The following WDR43 variants were observed in gnomAD, a reference collection of about 807,000 sequenced individuals.
WDR43 encodes the protein WD repeat domain 43.
A neutral mutation model predicts 91.4 loss-of-function variants in WDR43; 13 were observed. The ratio of observed to expected loss-of-function variants is 0.14; its 90% CI spans 0.09 to 0.23. The LOEUF (loss-of-function observed/expected upper bound fraction) is 0.23. WDR43 is among the 10% of genes least tolerant of loss of function. WDR43 has a pLI of 1.00. For missense variants in WDR43, 780 were observed against 809.4 expected, an observed-to-expected ratio of 0.96 and a Z score of 0.44; for synonymous variants, 331 against 287.9, an observed-to-expected ratio of 1.15 and a Z score of -1.51.
At position 28,939,052 on chromosome 2, in the gene WDR43, AGGGGTTTTTG is replaced by A. The variant is rs763505471; in HGVS notation, c.1620+1061_1620+1070del. 7.2e-3 allele frequency among the ~76,000 whole-genome samples: 136 copies of A among 18,760 alleles called. 10 individuals are homozygous for A. Among genetic ancestry groups the A allele is most frequent in the Non-Finnish European group, 9.9e-3 (86 of 8,708 alleles). The allele number at this position is 18,760 out of a possible 152,430, so 12.3% of individuals were successfully genotyped here. A position where few individuals can be genotyped will look rare whatever the true frequency, so the allele number is the denominator to read the frequency against. ...GAGGTGACCTGGGAGCACTGGTGAGAGGGGTTTTTGGGAGGTGACCTGGGAGCACTGGTGA... is the reference window on the plus strand; with the variant it reads ...GAGGTGACCTGGGAGCACTGGTGAGAGGAGGTGACCTGGGAGCACTGGTGA... On this transcript the variant is annotated intron_variant, in intron 14 of 17. Coordinates refer to ENST00000407426, the MANE Select transcript of WDR43 (RefSeq NM_015131.3).
At chr2:28,927,471 C>A in intron 9 of WDR43, 98 bp from the exon 10 acceptor site, 2 of 1,382,222 alleles carry the variant, frequency 1.4e-6, no homozygotes, top group South Asian at 1.5e-5. Context: ...TGCATTTTTC[C>A]AATAGAGGAG....
intron 11 of WDR43, among the ~76,000 whole-genome samples, chr2:28,931,658 T>G (rs1457362604): frequency 6.6e-6 from 1 of 151,836 alleles, no homozygotes; most frequent in African/African-American, 2.4e-5. Context: ...TTAAAATCTT[T>G]TTTTTTTTTG....
chr2:28,944,641 G>A (rs1558386101), intron 16 of WDR43, among the ~76,000 whole-genome samples: 1 of 152,186 alleles, frequency 6.6e-6, no homozygotes, highest in Middle Eastern at 3.2e-3. Context: ...AGTTGAGATC[G>A]AGTTAACACG....
rs1558378076 is a variant in WDR43 at position 28,925,109 on chromosome 2, T to G, written c.1042T>G (p.Leu348Val). The G allele has an allele frequency of 6.2e-7, 1 of 1,613,860 alleles. No individual in the cohort carries two copies. Among genetic ancestry groups the G allele is most frequent in the African/African-American group, 1.3e-5 (1 of 74,924 alleles). ...AGFCSDKMSLLLVYGSWFQPT... is the reference protein window; with the variant it reads ...AGFCSDKMSLVLVYGSWFQPT... ...TTTTTGCTCAGACAAAATGTCATTGTTGCTTGTATATGGCAGTTGGTTTCA... is the reference window on the plus strand; with the variant it reads ...TTTTTGCTCAGACAAAATGTCATTGGTGCTTGTATATGGCAGTTGGTTTCA... Residue 348 changes from leucine (L) to valine (V), a missense_variant, in exon 8 of 18, where the codon TTG (leucine) becomes GTG (valine). By Grantham distance (32) the Leu-to-Val change is conservative (BLOSUM62 1). Coordinates refer to ENST00000407426, the MANE Select transcript of WDR43 (RefSeq NM_015131.3).
chr2:28,904,673 C>T (rs1332052910), intron 2 of WDR43, among the ~76,000 whole-genome samples: 1 of 152,174 alleles, frequency 6.6e-6, no homozygotes, highest in Non-Finnish European at 1.5e-5. Flanking sequence ...TGTATCTGTT[C>T]ATATCCTTTA....
Position 28,902,087 on chromosome 2 carries a change from A to T in WDR43, c.326A>T (p.Tyr109Phe). 6.2e-7 allele frequency: 1 copy of T among 1,604,868 alleles called. No homozygotes were observed. The highest frequency in any genetic ancestry group is 8.5e-7 in the Non-Finnish European group (1 of 1,175,876). The change falls in exon 2 of 18, where the codon TAC becomes TTC. Residue 109 changes from tyrosine to phenylalanine, a missense_variant. By Grantham distance (22) the Tyr-to-Phe change is conservative. This residue lies in a region of WDR43 where 174 missense variants were observed against 207.3 expected (regional missense o/e 0.84). Coordinates refer to ENST00000407426, the MANE Select transcript of WDR43 (RefSeq NM_015131.3). ...ACAGCAGTTGGTAGCATTTTATTAT[A>T]CAGCACAGTAAAAGGAGAGTTACAC... ...LGTAVGSILL[Y>F]STVKGELHSK...
chr2:28,919,467 G>C (rs1396320475), intron 6 of WDR43, among the ~76,000 whole-genome samples: 1 of 151,934 alleles, frequency 6.6e-6, no homozygotes, highest in East Asian at 1.9e-4. Context: ...AGGAGATCGA[G>C]ACCACGGTGA....
At chr2:28,923,010 A>T (rs767960220) in intron 7 of WDR43, 27 bp downstream of exon 7, 3 of 1,598,884 alleles carry the variant, frequency 1.9e-6, no homozygotes, top group Admixed American at 1.7e-5. Flanking sequence ...CCAAGTAAGA[A>T]ATTTGTTTCT....
chr2:28,906,820 C>T (rs180981380), intron 3 of WDR43, among the ~76,000 whole-genome samples: 4 of 152,210 alleles, frequency 2.6e-5, no homozygotes, highest in Admixed American at 2.0e-4. Context: ...GACTATTTGT[C>T]AGCCGAGTAC....
intron 7 of WDR43, 23 bp from the exon 8 acceptor site, chr2:28,924,959 C>T (rs1671100036): frequency 6.3e-7 from 1 of 1,595,444 alleles, no homozygotes; most frequent in African/African-American, 1.4e-5. Context: ...ATTCTTTAAT[C>T]TCATTTCCCC....
At chr2:28,906,140 AT>A (rs1268395503) in intron 2 of WDR43, among the ~76,000 whole-genome samples, 1 of 152,102 alleles carries the variant, frequency 6.6e-6, no homozygotes, top group African/African-American at 2.4e-5. Flanking sequence ...CCATAAATAT[AT>A]TCATTTTCAT....
intron 3 of WDR43, among the ~76,000 whole-genome samples, chr2:28,909,242 G>A (rs1323290181): frequency 6.6e-6 from 1 of 152,078 alleles, no homozygotes; most frequent in African/African-American, 2.4e-5. Context: ...GGAATCAAGC[G>A]ATTCTTCTGC....
chr2:28,896,059 T>C (rs532523171), intron 1 of WDR43, among the ~76,000 whole-genome samples: 1 of 152,250 alleles, frequency 6.6e-6, no homozygotes, highest in Admixed American at 6.5e-5. Flanking sequence ...ATTCATAAAA[T>C]AAACCTATCA....
At chr2:28,896,182 C>T (rs769933391) in intron 1 of WDR43, among the ~76,000 whole-genome samples, 4 of 152,072 alleles carry the variant, frequency 2.6e-5, no homozygotes, top group Admixed American at 6.6e-5. Flanking sequence ...TTTTAACAGT[C>T]CTGTAAAGTG....
At position 28,927,610 on chromosome 2, in the gene WDR43, G is replaced by A. The variant is rs779332044; in HGVS notation, c.1215G>A (p.Val405=). The A allele has an allele frequency of 1.9e-6, 3 of 1,613,908 alleles. No individual in the cohort carries two copies. The highest frequency in any genetic ancestry group is 1.7e-5 in the Admixed American group (1 of 60,002). Residue 405 remains valine, a synonymous_variant, in exon 10 of 18, where the codon GTG becomes GTA. Coordinates refer to ENST00000407426, the MANE Select transcript of WDR43 (RefSeq NM_015131.3). ...TGAATTCTGAAGCAAAAGTTCTGGT[G>A]CCTGGGATTCCTGGTCATCATGCAG... ...PVMNSEAKVL[V]PGIPGHHAAI...
chr2:28,905,663 C>CTTT (rs1434158898), intron 2 of WDR43, among the ~76,000 whole-genome samples: 1 of 129,192 alleles, frequency 7.7e-6, no homozygotes. Context: ...CTCTCTTCTT[C>CTTT]TCTTTTTTTT....
chr2:28,904,192 G>C (rs770751024), intron 2 of WDR43, among the ~76,000 whole-genome samples: 21 of 152,118 alleles, frequency 1.4e-4, no homozygotes, highest in Non-Finnish European at 2.5e-4. Context: ...GAGTCAAGAG[G>C]GTCAGGGTGA....
At chr2:28,917,658 G>T (rs1670941044) in intron 5 of WDR43, among the ~76,000 whole-genome samples, 1 of 152,198 alleles carries the variant, frequency 6.6e-6, no homozygotes, top group Non-Finnish European at 1.5e-5. Flanking sequence ...GTTACTCATT[G>T]TTTAAATCTG....
chr2:28,907,234 A>G (rs1670698313), intron 3 of WDR43, among the ~76,000 whole-genome samples: 1 of 152,154 alleles, frequency 6.6e-6, no homozygotes, highest in African/African-American at 2.4e-5. Flanking sequence ...GAGGAAAATG[A>G]TGCCCATGGT....
Sources: allele counts gnomAD v4.1 joint callset (sites outside exome capture counted in the v4.1 genomes callset), GRCh38; gene constraint gnomAD v4.1.1; regional missense constraint gnomAD v4.1.1; transcripts MANE v1.5; gene names NCBI Gene and HGNC (gene_info 2026-07-23, HGNC 2026-07-21).